The following ADAM19 variants were observed in gnomAD, a reference collection of about 807,000 sequenced individuals.
ADAM19 encodes the protein ADAM metallopeptidase domain 19.
In ADAM19, 65 loss-of-function variants were observed where a neutral mutation model predicts 114.7. That is an observed-to-expected ratio of 0.57 (90% CI 0.46 to 0.70). The LOEUF (loss-of-function observed/expected upper bound fraction) is 0.70, where lower values mean the gene tolerates loss of function less well. ADAM19 is among the 30% of genes least tolerant of loss of function. The pLI is 0.00. For synonymous variants in ADAM19, 466 were observed against 460.5 expected (o/e 1.01, Z -0.15); for missense variants, 1,063 against 1,204.7 (o/e 0.88, Z 1.74).
At chr5:157,509,488 C>T in intron 8 of ADAM19, 21 bp from the exon 9 acceptor site, 1 of 1,559,194 alleles carries the variant, frequency 6.4e-7, no homozygotes, top group Non-Finnish European at 8.7e-7. Context: ...ACAGAAAAAC[C>T]ACAGTATCTG....
At chr5:157,506,482 G>C (rs1379842941) in intron 10 of ADAM19, among the ~76,000 whole-genome samples, 1 of 152,172 alleles carries the variant, frequency 6.6e-6, no homozygotes, top group African/African-American at 2.4e-5. Context: ...AACCCAACAG[G>C]CTCAGACCCT....
chr5:157,498,995 T>C (rs1755462060), intron 13 of ADAM19, among the ~76,000 whole-genome samples: 1 of 152,162 alleles, frequency 6.6e-6, no homozygotes. Flanking sequence ...ACGGTAACAC[T>C]AGCAGCAACA....
At chr5:157,528,566 C>T (rs1358361429) in intron 5 of ADAM19, among the ~76,000 whole-genome samples, 1 of 152,168 alleles carries the variant, frequency 6.6e-6, no homozygotes, top group African/African-American at 2.4e-5. Context: ...GGATTTGGGG[C>T]CACTCTGTTA....
intron 14 of ADAM19, among the ~76,000 whole-genome samples, chr5:157,495,866 T>G (rs538812801): frequency 1.3e-5 from 2 of 151,006 alleles, no homozygotes; most frequent in East Asian, 3.9e-4. Context: ...ACTCCTGACC[T>G]CAGGTGATCC....
At chr5:157,554,854 C>T (rs905646727) in intron 3 of ADAM19, among the ~76,000 whole-genome samples, 3 of 152,142 alleles carry the variant, frequency 2.0e-5, no homozygotes, top group Non-Finnish European at 4.4e-5. Flanking sequence ...AAAGGTTGAG[C>T]GACTTGCCAA....
chr5:157,575,383 G>A (rs1450114585), intron 1 of ADAM19, among the ~76,000 whole-genome samples: 1 of 152,250 alleles, frequency 6.6e-6, no homozygotes, highest in Non-Finnish European at 1.5e-5. Flanking sequence ...GAGCGGACCG[G>A]CTGTTTTCTG....
chr5:157,491,097 G>T (rs1755138187), intron 18 of ADAM19, among the ~76,000 whole-genome samples: 1 of 151,628 alleles, frequency 6.6e-6, no homozygotes, highest in African/African-American at 2.4e-5. Context: ...TTCCTTGAAA[G>T]ATTTTGGTGC....
chr5:157,486,361 C>T (rs368459984), intron 21 of ADAM19, among the ~76,000 whole-genome samples: 7 of 152,182 alleles, frequency 4.6e-5, no homozygotes, highest in African/African-American at 1.7e-4. Flanking sequence ...TCCCACTGTT[C>T]GCTTGTAGAG....
At position 157,478,911 on chromosome 5, in the gene ADAM19, A is replaced by T. The variant is rs1754670551; in HGVS notation, c.*2038T>A. The T allele has an allele frequency of 3.0e-6, 3 of 985,502 alleles. No individual in the cohort carries two copies. The highest frequency in any genetic ancestry group is 3.6e-6 in the Non-Finnish European group (3 of 829,944). The allele number at this position is 985,502 out of a possible 1,614,324, so 61.0% of individuals were successfully genotyped here. On this transcript the variant is annotated 3_prime_UTR_variant, in exon 23 of 23. Transcript: ENST00000257527. ...TCAGAGCTATCTACCTCCTGATGTG[A>T]GGGAGAAAGGCTGGAGAAGCCACAG...
At chr5:157,564,321 G>C in intron 3 of ADAM19, 52 bp downstream of exon 3, 1 of 1,542,750 alleles carries the variant, frequency 6.5e-7, no homozygotes, top group Non-Finnish European at 9.0e-7. Context: ...TGCGTCCGGC[G>C]TTGACACAGA....
chr5:157,510,781 A>T (rs556221915), intron 8 of ADAM19, among the ~76,000 whole-genome samples: 1 of 152,346 alleles, frequency 6.6e-6, no homozygotes, highest in East Asian at 1.9e-4. Context: ...ATACCAAATT[A>T]TATTAATACA....
Position 157,491,637 on chromosome 5 carries a change from G to A in ADAM19, c.2073C>T (p.Asp691=), listed in dbSNP as rs781408559. ...CNTPGHGGSI[D]SGPMPPESVG... Reference sequence around the variant, plus strand: ...CACTCTCAGGGGGCATAGGCCCACTGTCGATACTGCCCCCGTGGCCCGGTG... The same window carrying A: ...CACTCTCAGGGGGCATAGGCCCACTATCGATACTGCCCCCGTGGCCCGGTG... Residue 691 remains aspartate, a synonymous_variant, in exon 18 of 23, where the codon GAC becomes GAT. Transcript: ENST00000257527. 5.2e-6 allele frequency: 8 copies of A among 1,541,836 alleles called. No individual in the cohort carries two copies. The South Asian group carries it at 6.3e-5, about 12-fold the overall frequency.
At chr5:157,508,192 G>A (rs953462522) in intron 9 of ADAM19, among the ~76,000 whole-genome samples, 3 of 152,172 alleles carry the variant, frequency 2.0e-5, no homozygotes, top group Non-Finnish European at 4.4e-5. Context: ...ACTCTTCCTA[G>A]GCAAATGTAG....
At chr5:157,488,848 G>A (rs917786332) in intron 20 of ADAM19, among the ~76,000 whole-genome samples, 8 of 152,042 alleles carry the variant, frequency 5.3e-5, no homozygotes, top group Non-Finnish European at 7.4e-5. Flanking sequence ...TGGCTAACAC[G>A]GTGAAACCCC....
rs1405816742 is a variant in ADAM19 at position 157,519,892 on chromosome 5, T to A, written c.547A>T (p.Thr183Ser). 6.2e-7 allele frequency: 1 copy of A among 1,613,948 alleles called. No homozygotes were observed. The highest frequency in any genetic ancestry group is 8.5e-7 in the Non-Finnish European group (1 of 1,180,006). Reference sequence around the variant, plus strand: ...GTAAACTGAAGAGCCCAGTCCCTGGTGGTGGGCTTGGAGTGCTCGAACCCA... The same window carrying A: ...GTAAACTGAAGAGCCCAGTCCCTGGAGGTGGGCTTGGAGTGCTCGAACCCA... ...NCGFEHSKPTTRDWALQFTQQ... is the reference protein window; with the variant it reads ...NCGFEHSKPTSRDWALQFTQQ... Residue 183 changes from threonine to serine, a missense_variant, in exon 6 of 23, where the codon ACC (threonine) becomes TCC (serine). This residue lies in a region of ADAM19 where 615 missense variants were observed against 706.3 expected (regional missense o/e 0.87). Transcript: ENST00000257527.
At chr5:157,481,092 G>A in intron 22 of ADAM19, 90 bp from the exon 23 acceptor site, 2 of 1,551,548 alleles carry the variant, frequency 1.3e-6, no homozygotes, top group Non-Finnish European at 1.8e-6. Flanking sequence ...ATTTTAGAAG[G>A]AAGGATGGAC....
chr5:157,569,924 G>A (rs759780626), intron 2 of ADAM19, among the ~76,000 whole-genome samples: 9 of 152,098 alleles, frequency 5.9e-5, no homozygotes, highest in East Asian at 1.9e-4. Context: ...CACAACAACC[G>A]CATCTTCCTT....
At chr5:157,507,379 C>T (rs868988) in intron 9 of ADAM19, among the ~76,000 whole-genome samples, 41,922 of 152,174 alleles carry the variant, frequency 0.28, 6,709 homozygotes, top group East Asian at 0.79. Context: ...AGAGAAAGGT[C>T]GTTTATCTCC....
chr5:157,498,307 A>G (rs1025646969), intron 13 of ADAM19, among the ~76,000 whole-genome samples: 2 of 152,174 alleles, frequency 1.3e-5, no homozygotes, highest in African/African-American at 2.4e-5. Context: ...AGGCTGCAGG[A>G]CACACCTCTG....
Sources: gnomAD v4.1 joint callset for allele counts (sites outside exome capture counted in the v4.1 genomes callset) on GRCh38, gnomAD v4.1.1 for gene constraint, gnomAD v4.1.1 regional missense constraint, MANE v1.5 for transcripts, NCBI Gene and HGNC (gene_info 2026-07-23, HGNC 2026-07-21) for gene names.